Variants in RPH3A observed in about 807,000 individuals in gnomAD.
RPH3A encodes rabphilin-3A.
A neutral mutation model predicts 102.2 loss-of-function variants in RPH3A; 48 were observed. That is an observed-to-expected ratio of 0.47 (90% CI 0.37 to 0.60). The LOEUF (loss-of-function observed/expected upper bound fraction) is 0.60, where lower values mean the gene tolerates loss of function less well. Ranked by LOEUF, RPH3A falls within the 20% of genes least tolerant of loss-of-function variation. The probability of loss-of-function intolerance (pLI) is 0.00; values close to 1 mark genes in which losing one functional copy is unlikely to be tolerated. For synonymous variants in RPH3A, 310 were observed against 324.3 expected, an observed-to-expected ratio of 0.96 and a Z score of 0.47; for missense variants, 781 against 910.1, an observed-to-expected ratio of 0.86 and a Z score of 1.83.
chr12:112,849,408 A>C (rs1308435406), intron 5 of RPH3A, among the ~76,000 whole-genome samples: 1 of 146,722 alleles, frequency 6.8e-6, no homozygotes, highest in Non-Finnish European at 1.5e-5. Flanking sequence ...CCAGACTGGC[A>C]GTGTGTGTGT....
chr12:112,885,769 A>G (rs966516469), intron 16 of RPH3A, among the ~76,000 whole-genome samples: 1 of 152,186 alleles, frequency 6.6e-6, no homozygotes, highest in Non-Finnish European at 1.5e-5. Context: ...CAATCAAATT[A>G]TACTCTTTTC....
intron 1 of RPH3A, among the ~76,000 whole-genome samples, chr12:112,597,414 C>G (rs994721006): frequency 6.6e-6 from 1 of 152,004 alleles, no homozygotes; most frequent in East Asian, 1.9e-4. Flanking sequence ...AAAACCCCAC[C>G]TCTACTAAAA....
Position 112,694,601 on chromosome 12 carries a change from G to C in RPH3A, c.-139-97542G>C, listed in dbSNP as rs542454892. Among the ~76,000 whole-genome samples the C allele has an allele frequency of 2.3e-3, 348 of 151,986 alleles. 3 individuals carry two copies. The highest frequency in any genetic ancestry group is 8.1e-3 in the African/African-American group (334 of 41,430). On this transcript the variant is annotated intron_variant, in intron 1 of 21. Coordinates refer to the RPH3A transcript ENST00000543106. ...AGAGAGAAAGGCAGAGAGAGAGAGA[G>C]AGACAGACAGAGAGAGACAAAGACA...
At chr12:112,772,826 C>A (rs1368356257) in intron 1 of RPH3A, among the ~76,000 whole-genome samples, 1 of 151,808 alleles carries the variant, frequency 6.6e-6, no homozygotes, top group African/African-American at 2.4e-5. Context: ...GATTTTGGTT[C>A]ACTCATCTCC....
intron 1 of RPH3A, among the ~76,000 whole-genome samples, chr12:112,584,115 A>G (rs1459836510): frequency 2.6e-5 from 4 of 152,206 alleles, no homozygotes; most frequent in African/African-American, 9.6e-5. Flanking sequence ...CGCTGCAGAA[A>G]ACGGGGAATC....
intron 1 of RPH3A, among the ~76,000 whole-genome samples, chr12:112,600,290 A>T (rs1169754156): frequency 6.6e-6 from 1 of 152,222 alleles, no homozygotes. Flanking sequence ...GGTTGTGCTG[A>T]ATAATTAATG....
chr12:112,781,683 T>C (rs1026975964), intron 1 of RPH3A, among the ~76,000 whole-genome samples: 4 of 152,148 alleles, frequency 2.6e-5, no homozygotes, highest in African/African-American at 4.8e-5. Context: ...TTTCATCCAT[T>C]CATTCATTCA....
At chr12:112,740,027 T>A (rs1245520759) in intron 1 of RPH3A, among the ~76,000 whole-genome samples, 1 of 152,144 alleles carries the variant, frequency 6.6e-6, no homozygotes, top group African/African-American at 2.4e-5. Flanking sequence ...CTCAGCTCCC[T>A]CCTTACCCAT....
At chr12:112,598,373 G>A (rs1166473921) in intron 1 of RPH3A, among the ~76,000 whole-genome samples, 5 of 152,152 alleles carry the variant, frequency 3.3e-5, no homozygotes, top group Admixed American at 2.6e-4. Context: ...AGTAGTGTGG[G>A]CTATAGCTTC....
intron 1 of RPH3A, among the ~76,000 whole-genome samples, chr12:112,644,416 G>A (rs950249064): frequency 6.6e-6 from 1 of 152,134 alleles, no homozygotes; most frequent in African/African-American, 2.4e-5. Flanking sequence ...CTACCTGAGG[G>A]GAGTTTGTCC....
rs748974827 is a variant in RPH3A at position 112,865,587 on chromosome 12, A to AGAACATGAGCAAT, written c.360+46_360+47insACATGAGCAATGA. The AGAACATGAGCAAT allele has an allele frequency of 3.1e-6, 5 of 1,599,556 alleles. No individual in the cohort carries two copies. The African/African-American group carries it at 5.4e-5, about 17-fold the overall frequency. The stretch of plus-strand genomic sequence containing the variant: ...CCCTTCTTCCCTGTGCAGCACCTGC[A>AGAACATGAGCAAT]GAGGGGAAAGTCCTAGGCTCCAGCT... On this transcript the variant is annotated intron_variant, in intron 6 of 21. Coordinates refer to ENST00000389385, the MANE Select transcript of RPH3A (RefSeq NM_001143854.2).
chr12:112,868,800 T>C, intron 8 of RPH3A: 1 of 502,446 alleles, frequency 2.0e-6, no homozygotes, highest in Non-Finnish European at 3.4e-6. Flanking sequence ...TCTCCAGCAA[T>C]GCCAAGCCGC....
At chr12:112,841,706 G>T (rs111827970) in intron 4 of RPH3A, among the ~76,000 whole-genome samples, 3,324 of 145,074 alleles carry the variant, frequency 0.023, 160 homozygotes, top group African/African-American at 0.082. Context: ...TTGTTTTTTT[G>T]GTTTTTTTTT....
intron 1 of RPH3A, among the ~76,000 whole-genome samples, chr12:112,751,165 T>A (rs2040783657): frequency 1.3e-5 from 2 of 152,266 alleles, no homozygotes; most frequent in African/African-American, 4.8e-5. Flanking sequence ...TCCTTGTAAC[T>A]GCATACTCAC....
At chr12:112,883,481 C>T in intron 16 of RPH3A, 79 bp downstream of exon 16, 9 of 961,990 alleles carry the variant, frequency 9.4e-6, no homozygotes, top group Non-Finnish European at 1.5e-5. Flanking sequence ...GGGTGAGGCC[C>T]CCAGGGCTTC....
At chr12:112,597,430 A>G (rs2039525261) in intron 1 of RPH3A, among the ~76,000 whole-genome samples, 1 of 151,994 alleles carries the variant, frequency 6.6e-6, no homozygotes, top group Admixed American at 6.6e-5. Context: ...TAAAAATGCA[A>G]AAAAATTAGC....
intron 2 of RPH3A, among the ~76,000 whole-genome samples, chr12:112,809,542 T>C (rs539760108): frequency 5.0e-4 from 76 of 152,306 alleles, no homozygotes; most frequent in African/African-American, 1.8e-3. Context: ...TAGCATATTA[T>C]TATTCCACAA....
At chr12:112,634,242 G>A (rs2039830042) in intron 1 of RPH3A, among the ~76,000 whole-genome samples, 1 of 46,282 alleles carries the variant, frequency 2.2e-5, no homozygotes, top group Non-Finnish European at 3.8e-5. Context: ...CAGCTACTTG[G>A]GAGGCTGAGG....
intron 1 of RPH3A, among the ~76,000 whole-genome samples, chr12:112,625,721 T>C (rs1355048176): frequency 4.7e-5 from 5 of 106,654 alleles, no homozygotes; most frequent in African/African-American, 1.9e-4. Context: ...AAAGTTCATA[T>C]GGAACCAAAA....
Sources: allele counts gnomAD v4.1 joint callset (sites outside exome capture counted in the v4.1 genomes callset), GRCh38; gene constraint gnomAD v4.1.1; transcripts MANE v1.5; gene names NCBI Gene and HGNC (gene_info 2026-07-23, HGNC 2026-07-21).